The following RAB36 variants were observed in gnomAD, a reference collection of about 807,000 sequenced individuals.
RAB36 encodes the protein ras-related protein Rab-36.
A neutral mutation model predicts 39.3 loss-of-function variants in RAB36; 33 were observed. The ratio of observed to expected loss-of-function variants is 0.84; its 90% CI spans 0.64 to 1.12. The LOEUF (loss-of-function observed/expected upper bound fraction) is 1.12, where lower values mean the gene tolerates loss of function less well. Among genes scored for constraint, RAB36 ranks in the 50% most tolerant of loss-of-function variants. The pLI, the probability that RAB36 is intolerant of heterozygous loss-of-function variation, is 0.00. For missense variants in RAB36, 308 were observed against 355.3 expected, an observed-to-expected ratio of 0.87 and a Z score of 1.07; for synonymous variants, 133 against 140.2, an observed-to-expected ratio of 0.95 and a Z score of 0.36.
At chr22:23,152,870 C>T (rs1569209190) in intron 4 of RAB36, among the ~76,000 whole-genome samples, 163 bp from the exon 5 acceptor site, 1 of 152,248 alleles carries the variant, frequency 6.6e-6, no homozygotes, top group African/African-American at 2.4e-5. Context: ...CCTTTCCCCA[C>T]ATTGTCCTTG....
intron 3 of RAB36, among the ~76,000 whole-genome samples, chr22:23,152,101 G>A (rs559722697): frequency 4.6e-5 from 7 of 152,356 alleles, no homozygotes; most frequent in African/African-American, 1.7e-4. Context: ...ACAGCTCCCG[G>A]ACAGCACAGA....
intron 7 of RAB36, among the ~76,000 whole-genome samples, chr22:23,158,437 C>T (rs1010296357): frequency 1.3e-5 from 2 of 152,196 alleles, no homozygotes; most frequent in Non-Finnish European, 1.5e-5. Context: ...TTGGCACTTG[C>T]AGTCTTGAGA....
chr22:23,158,104 C>T, intron 7 of RAB36, 61 bp downstream of exon 7: 1 of 1,602,218 alleles, frequency 6.2e-7, no homozygotes, highest in Non-Finnish European at 8.5e-7. Flanking sequence ...CCTGGAAGGG[C>T]TCCCAGACCC....
At chr22:23,156,296 A>G in intron 6 of RAB36, 2 of 383,978 alleles carry the variant, frequency 5.2e-6, no homozygotes, top group South Asian at 5.1e-5. Flanking sequence ...GCTCATAAAG[A>G]TGCTCAGAGA....
chr22:23,153,897 C>T (rs548252104), intron 5 of RAB36, among the ~76,000 whole-genome samples: 2 of 152,132 alleles, frequency 1.3e-5, no homozygotes, highest in East Asian at 3.9e-4. Context: ...CTATGTTGGC[C>T]ATGCTGATCT....
downstream of RAB36, among the ~76,000 whole-genome samples, chr22:23,169,249 G>C (rs545231845): frequency 1.3e-5 from 2 of 152,346 alleles, no homozygotes; most frequent in Admixed American, 1.3e-4. Flanking sequence ...CACTCTGGCT[G>C]GGGGCAGGAA....
intron 2 of RAB36, among the ~76,000 whole-genome samples, chr22:23,148,426 A>C (rs1267731726): frequency 6.6e-6 from 1 of 152,214 alleles, no homozygotes; most frequent in Admixed American, 6.5e-5. Flanking sequence ...GGCGAGGATC[A>C]GAGTTAAGGA....
intron 3 of RAB36, among the ~76,000 whole-genome samples, chr22:23,150,583 G>A (rs2071059835): frequency 6.6e-6 from 1 of 151,822 alleles, no homozygotes; most frequent in African/African-American, 2.4e-5. Context: ...TTACAGGTGT[G>A]AGCCACCGTG....
At chr22:23,160,778 C>T (rs1248191438) in intron 9 of RAB36, 101 bp from the exon 10 acceptor site, 22 of 1,505,694 alleles carry the variant, frequency 1.5e-5, no homozygotes, top group Middle Eastern at 2.3e-4. Flanking sequence ...GAAAGGGCTA[C>T]GTGCCAACCT....
At chr22:23,155,463 G>T (rs2071398827) in intron 5 of RAB36, among the ~76,000 whole-genome samples, 1 of 152,158 alleles carries the variant, frequency 6.6e-6, no homozygotes, top group Non-Finnish European at 1.5e-5. Context: ...CCCACCTATT[G>T]CTCCAGTGTT....
At position 23,162,894 on chromosome 22, in the gene RAB36, G is replaced by T; in HGVS notation, c.*1330G>T. On this transcript the variant is annotated 3_prime_UTR_variant, in exon 11 of 11. Transcript: ENST00000263116. The stretch of plus-strand genomic sequence containing the variant: ...TCATTCCCCCTTCAACATATTTTTT[G>T]TAGTTTTTTATATAAATGACTTTTT... 2.1e-5 allele frequency: 7 copies of T among 337,562 alleles called. No homozygotes were observed. The highest frequency in any genetic ancestry group is 4.6e-5 in the South Asian group (2 of 43,370). The allele number at this position is 337,562 out of a possible 1,614,324, so 20.9% of individuals were successfully genotyped here.
In RAB36 at chr22:23,158,937, C is replaced by T; in HGVS notation, c.486C>T (p.Gly162=). ...LEDALRENEA[G]SCFIFLVGTK... ...ATGCTCTGAGGGAGAACGAGGCAGGCTCCTGCTTCATCTTCCTCGTGGGAA... is the reference window on the plus strand; with the variant it reads ...ATGCTCTGAGGGAGAACGAGGCAGGTTCCTGCTTCATCTTCCTCGTGGGAA... The change falls in exon 8 of 11, where the codon GGC becomes GGT. Residue 162 remains glycine, a synonymous_variant. Coordinates refer to ENST00000263116, the MANE Select transcript of RAB36 (RefSeq NM_004914.5). 1.2e-6 allele frequency: 2 copies of T among 1,614,226 alleles called. No individual in the cohort carries two copies. Among genetic ancestry groups the T allele is most frequent in the East Asian group, 2.2e-5 (1 of 44,886 alleles).
At chr22:23,145,407 T>C (rs1601875943), upstream of RAB36, 2 of 1,610,028 alleles carry the variant, frequency 1.2e-6, no homozygotes, top group East Asian at 2.2e-5. Flanking sequence ...GACGCGCCGC[T>C]GCCAGTCCAA....
At chr22:23,150,288 GTTTTCTTTTTT>G (rs765140286) in intron 3 of RAB36, 134 bp downstream of exon 3, 28 of 660,386 alleles carry the variant, frequency 4.2e-5, no homozygotes, top group South Asian at 2.2e-4. Flanking sequence ...GATGACTGGG[GTTTTCTTTTTT>G]TTTTCTTTTT....
intron 2 of RAB36, among the ~76,000 whole-genome samples, chr22:23,148,794 T>C (rs968100572): frequency 6.6e-6 from 1 of 152,212 alleles, no homozygotes; most frequent in Non-Finnish European, 1.5e-5. Context: ...GTAATGACCA[T>C]TGTGTCTGAG....
At chr22:23,168,277 A>G (rs1300388861), downstream of RAB36, among the ~76,000 whole-genome samples, 1 of 152,170 alleles carries the variant, frequency 6.6e-6, no homozygotes, top group African/African-American at 2.4e-5. Flanking sequence ...CCAGCTCTTG[A>G]AGTCCTGGGC....
Position 23,164,738 on chromosome 22 carries a change from C to G in RAB36, c.*3174C>G, listed in dbSNP as rs1318718595. Among the ~76,000 whole-genome samples, 1 of 152,100 alleles carries G rather than the reference C, an allele frequency of 6.6e-6. No homozygotes were observed. Among genetic ancestry groups the G allele is most frequent in the Non-Finnish European group, 1.5e-5 (1 of 68,012 alleles). ...TTTCCTCTTCCCTGTTTCCCTGGAC[C>G]CTTTCCTGCTCTCTGTCCATCTGTG... On this transcript the variant is annotated 3_prime_UTR_variant, in exon 11 of 11. Transcript: ENST00000263116.
At chr22:23,151,233 G>A (rs1174008288) in intron 3 of RAB36, among the ~76,000 whole-genome samples, 1 of 152,182 alleles carries the variant, frequency 6.6e-6, no homozygotes, top group Admixed American at 6.5e-5. Flanking sequence ...CATCTGTTGG[G>A]GAATGCTGGT....
chr22:23,159,133 C>A, intron 8 of RAB36, 30 bp from the exon 9 acceptor site: 1 of 1,606,672 alleles, frequency 6.2e-7, no homozygotes, highest in East Asian at 2.2e-5. Context: ...AGAGCCGGGA[C>A]GCTGGGTCAA....
Sources: allele counts gnomAD v4.1 joint callset (sites outside exome capture counted in the v4.1 genomes callset), GRCh38; gene constraint gnomAD v4.1.1; transcripts MANE v1.5; gene names NCBI Gene and HGNC (gene_info 2026-07-23, HGNC 2026-07-21).